Variants in NMS observed in about 807,000 individuals in gnomAD.
The protein encoded by NMS is neuromedin S, also known as neuromedin-S.
A neutral mutation model predicts 32.2 loss-of-function variants in NMS; 30 were observed. That is an observed-to-expected ratio of 0.93 (90% CI 0.70 to 1.26). NMS has a LOEUF of 1.26. Among genes scored for constraint, NMS ranks in the 50% most tolerant of loss-of-function variants. The pLI is 0.00. For synonymous variants in NMS, 76 were observed against 58.5 expected (o/e 1.30, Z -1.37); for missense variants, 190 against 186.3 (o/e 1.02, Z -0.12).
intron 7 of NMS, 79 bp from the exon 8 acceptor site, chr2:100,481,045 GAA>G: frequency 6.9e-7 from 1 of 1,449,284 alleles, no homozygotes; most frequent in Admixed American, 1.7e-5. Context: ...CACCCATTTT[GAA>G]AACTGTTCCT....
At chr2:100,473,457 C>T (rs754005641) in intron 2 of NMS, 32 bp from the exon 3 acceptor site, 18 of 1,401,394 alleles carry the variant, frequency 1.3e-5, no homozygotes, top group Non-Finnish European at 1.7e-5. Context: ...CCCCTCATCC[C>T]TTTGATTTGT....
At chr2:100,473,034 G>C (rs1677037415) in intron 2 of NMS, among the ~76,000 whole-genome samples, 184 bp downstream of exon 2, 1 of 152,166 alleles carries the variant, frequency 6.6e-6, no homozygotes. Context: ...CACTACCACT[G>C]TGTGAGAAAA....
chr2:100,471,708 G>C (rs1249540415), intron 1 of NMS, among the ~76,000 whole-genome samples: 1 of 152,072 alleles, frequency 6.6e-6, no homozygotes, highest in Non-Finnish European at 1.5e-5. Context: ...TATAGGATTG[G>C]TTTGCATTAC....
chr2:100,473,576 A>G (rs1428988686), intron 3 of NMS, 37 bp downstream of exon 3: 27 of 778,710 alleles, frequency 3.5e-5, no homozygotes, highest in Non-Finnish European at 4.8e-5. Flanking sequence ...TATATAAAAT[A>G]TATATATATG....
At chr2:100,474,418 C>T (rs1677067128) in intron 3 of NMS, among the ~76,000 whole-genome samples, 1 of 152,190 alleles carries the variant, frequency 6.6e-6, no homozygotes, top group Non-Finnish European at 1.5e-5. Context: ...GCACCAGGCC[C>T]TTGACGTCCT....
At chr2:100,470,994 C>G (rs1354506852) in intron 1 of NMS, among the ~76,000 whole-genome samples, 2 of 152,186 alleles carry the variant, frequency 1.3e-5, no homozygotes, top group Admixed American at 6.5e-5. Flanking sequence ...GCGGGAGGAG[C>G]GCACACTGGA....
chr2:100,473,536 T>G lies in NMS; in HGVS notation c.180T>G (p.Pro60=). The G allele has an allele frequency of 2.8e-6, 4 of 1,422,250 alleles. No homozygotes were observed. The highest frequency in any genetic ancestry group is 3.8e-6 in the Non-Finnish European group (4 of 1,062,104). 88.1% of individuals were successfully genotyped at this position (1,422,250 alleles called of 1,614,324 possible). A position where few individuals can be genotyped will look rare whatever the true frequency, so the allele number is the denominator to read the frequency against. The stretch of plus-strand genomic sequence containing the variant: ...AGTGGGCACCTCTTTCTCGCCAACC[T>G]AAGGTAAAAAAATGTGTATATATAT... ...LSQWAPLSRQ[P]KDNQDIYKRF... The change falls in exon 3 of 10, where the codon CCT becomes CCG. Residue 60 remains proline (P), a synonymous_variant. Coordinates refer to ENST00000376865, the MANE Select transcript of NMS (RefSeq NM_001011717.1).
At chr2:100,483,182 G>C in intron 9 of NMS, 70 bp from the exon 10 acceptor site, 1 of 1,359,956 alleles carries the variant, frequency 7.4e-7, no homozygotes, top group Non-Finnish European at 1.0e-6. Context: ...ATAATAACCT[G>C]CCCATGGGCT....
At chr2:100,472,970 T>G (rs1677029317) in intron 2 of NMS, 120 bp downstream of exon 2, 1 of 611,074 alleles carries the variant, frequency 1.6e-6, no homozygotes, top group African/African-American at 1.8e-5. Context: ...AGAAACTCAC[T>G]GTTGCCATTT....
chr2:100,477,445 A>C, intron 5 of NMS, 31 bp downstream of exon 5: 1 of 1,551,066 alleles, frequency 6.4e-7, no homozygotes, highest in Non-Finnish European at 8.9e-7. Context: ...ATCTGTCTGT[A>C]AAAGTGGCTC....
intron 5 of NMS, 110 bp from the exon 6 acceptor site, chr2:100,479,242 AC>A: frequency 1.4e-6 from 1 of 719,572 alleles, no homozygotes; most frequent in Non-Finnish European, 2.1e-6. Flanking sequence ...TGAAAATTAA[AC>A]CCATTTGTAA....
chr2:100,471,493 A>T (rs1677005535), intron 1 of NMS, among the ~76,000 whole-genome samples: 1 of 152,160 alleles, frequency 6.6e-6, no homozygotes, highest in Non-Finnish European at 1.5e-5. Flanking sequence ...CAATGACCCC[A>T]ACTCACTGCC....
rs755956985 is a variant in NMS, at chr2:100,480,553, T to G, written c.372+22T>G. 4.3e-6 allele frequency: 7 copies of G among 1,612,168 alleles called. No individual in the cohort carries two copies. In the Admixed American group the frequency reaches 1.2e-4, roughly 27 times the overall value. On this transcript the variant is annotated intron_variant, in intron 7 of 9. Transcript: ENST00000376865. Reference sequence around the variant, plus strand: ...GAAGGTACACAAGAGCCTTGGAGACTGCGACCCCCAAAGAAAGCCCTACCC... The same window carrying G: ...GAAGGTACACAAGAGCCTTGGAGACGGCGACCCCCAAAGAAAGCCCTACCC...
At chr2:100,483,151 T>C in intron 9 of NMS, 101 bp from the exon 10 acceptor site, 5 of 1,019,486 alleles carry the variant, frequency 4.9e-6, no homozygotes, top group Non-Finnish European at 7.5e-6. Flanking sequence ...CAAACTGAGG[T>C]CTAATTGTAA....
chr2:100,478,419 A>G (rs1677154237), intron 5 of NMS, among the ~76,000 whole-genome samples: 1 of 152,176 alleles, frequency 6.6e-6, no homozygotes, highest in Non-Finnish European at 1.5e-5. Flanking sequence ...ATCAATCAGT[A>G]TTATAGATGT....
At chr2:100,479,485 G>T in intron 6 of NMS, 58 bp downstream of exon 6, 1 of 1,421,746 alleles carries the variant, frequency 7.0e-7, no homozygotes. Context: ...TTGAATCGTG[G>T]TAAAAGCATG....
chr2:100,473,249 T>C (rs1454908029), intron 2 of NMS, among the ~76,000 whole-genome samples: 5 of 152,192 alleles, frequency 3.3e-5, no homozygotes, highest in Admixed American at 3.3e-4. Flanking sequence ...GGAATATCGA[T>C]GGATATTAAA....
chr2:100,479,079 C>T (rs1214258227), intron 5 of NMS, among the ~76,000 whole-genome samples: 6 of 152,166 alleles, frequency 3.9e-5, no homozygotes, highest in Non-Finnish European at 8.8e-5. Flanking sequence ...GCTCCAGGAG[C>T]AGAGTGCTGA....
At position 100,481,108 on chromosome 2, in the gene NMS, T is replaced by C. The variant is rs1677207857; in HGVS notation, c.373-18T>C. 1 of 1,613,828 alleles carries C rather than the reference T, an allele frequency of 6.2e-7. No homozygotes were observed. Among genetic ancestry groups the C allele is most frequent in the Non-Finnish European group, 8.5e-7 (1 of 1,179,684 alleles). On this transcript the variant is annotated intron_variant, in intron 7 of 9. Transcript: ENST00000376865. ...TGCAATATGGTTGCATAATGGCTTG[T>C]GTTTCTATATGTTGCAGGATCACAC...
Sources: allele counts gnomAD v4.1 joint callset (sites outside exome capture counted in the v4.1 genomes callset), GRCh38; gene constraint gnomAD v4.1.1; transcripts MANE v1.5; gene names NCBI Gene and HGNC (gene_info 2026-07-23, HGNC 2026-07-21).